The following CIP2A variants were observed in gnomAD, a reference collection of about 807,000 sequenced individuals.
CIP2A encodes cellular inhibitor of PP2A.
A neutral mutation model predicts 110.9 loss-of-function variants in CIP2A; 103 were observed. The observed-to-expected ratio is 0.93, with a 90% CI of 0.79 to 1.09. The LOEUF is 1.09. Among genes scored for constraint, CIP2A ranks in the 50% least tolerant of loss-of-function variants. The probability of loss-of-function intolerance (pLI) is 0.00; values close to 1 mark genes in which losing one functional copy is unlikely to be tolerated. For synonymous variants in CIP2A, 381 were observed against 361.6 expected (o/e 1.05, Z -0.61); for missense variants, 1,088 against 1,038.4 (o/e 1.05, Z -0.66).
In CIP2A at chr3:108,585,921, CA is replaced by C. The variant is rs1450408518; in HGVS notation, c.103-710del. 1.1e-4 allele frequency among the ~76,000 whole-genome samples: 17 copies of C among 151,880 alleles called. No individual in the cohort carries two copies. The East Asian group carries it at 2.1e-3, about 19-fold the overall frequency. On this transcript the variant is annotated intron_variant, in intron 1 of 20. Transcript: ENST00000295746. ...ACACATACATACACACACACACACA[CA>C]GAGTGAAAGAGAGAAGAGAGGAGGT...
chr3:108,571,853 T>C (rs1938411129), intron 8 of CIP2A, among the ~76,000 whole-genome samples: 1 of 152,186 alleles, frequency 6.6e-6, no homozygotes, highest in Non-Finnish European at 1.5e-5. Context: ...GGTTGTTCTG[T>C]AAGTACTAAA....
chr3:108,565,272 A>G, intron 12 of CIP2A, 83 bp downstream of exon 12: 1 of 694,800 alleles, frequency 1.4e-6, no homozygotes, highest in South Asian at 1.9e-5. Flanking sequence ...TATCTTCTAA[A>G]GATTAAGAAT....
At chr3:108,575,381 TATGC>T (rs774055884) in intron 8 of CIP2A, among the ~76,000 whole-genome samples, 14 of 150,446 alleles carry the variant, frequency 9.3e-5, no homozygotes, top group South Asian at 8.3e-4. Flanking sequence ...CATATACATG[TATGC>T]GTGTATATAT....
At position 108,551,307 on chromosome 3, in the gene CIP2A, C is replaced by T; in HGVS notation, c.2560G>A (p.Glu854Lys). 6.2e-7 allele frequency: 1 copy of T among 1,607,506 alleles called. No individual in the cohort carries two copies. The highest frequency in any genetic ancestry group is 2.2e-5 in the East Asian group (1 of 44,638). The change falls in exon 21 of 21, where the codon GAG (glutamate) becomes AAG (lysine). Residue 854 changes from glutamate to lysine, a missense_variant. Physicochemically the swap from Glu to Lys is moderately conservative, Grantham distance 56 (BLOSUM62 1). Transcript: ENST00000295746. ...KELSIKASSL[E>K]VQKAQLEGRL... ...CCTTCTAATTGTGCCTTTTGAACCT[C>T]TAGGGAGGAAGCCTAAGGAATTGGG...
chr3:108,588,759 G>A (rs1486631366), intron 1 of CIP2A, among the ~76,000 whole-genome samples: 2 of 152,164 alleles, frequency 1.3e-5, no homozygotes, highest in African/African-American at 4.8e-5. Flanking sequence ...ATGTATTTTG[G>A]TAAAGAAAAA....
At chr3:108,553,027 G>T (rs1250634083) in intron 19 of CIP2A, among the ~76,000 whole-genome samples, 1 of 150,682 alleles carries the variant, frequency 6.6e-6, no homozygotes, top group Non-Finnish European at 1.5e-5. Flanking sequence ...AATATACCCA[G>T]TGTAACAGAC....
intron 1 of CIP2A, chr3:108,585,596 T>C (rs1939018255): frequency 2.3e-6 from 1 of 427,708 alleles, no homozygotes; most frequent in African/African-American, 2.0e-5. Flanking sequence ...GATGAAGGCA[T>C]AGCCTACAAA....
chr3:108,559,106 T>A (rs1193735453), intron 16 of CIP2A, among the ~76,000 whole-genome samples: 2 of 152,052 alleles, frequency 1.3e-5, no homozygotes, highest in Non-Finnish European at 2.9e-5. Context: ...GACTAATTGC[T>A]CTGCTATGAT....
intron 2 of CIP2A, 74 bp downstream of exon 2, chr3:108,584,991 A>G (rs1168842309): frequency 2.2e-6 from 3 of 1,359,804 alleles, no homozygotes; most frequent in African/African-American, 2.9e-5. Context: ...AAGAGATTCT[A>G]TAACTAAGCC....
chr3:108,569,144 T>G lies in CIP2A; in HGVS notation c.1113+245A>C, dbSNP rs552297783. ...AATTATATAAATCTTTTTAATATCT[T>G]TACTTATTACACTGAAATGAGCACT... On this transcript the variant is annotated intron_variant, in intron 9 of 20. Coordinates refer to ENST00000295746, the MANE Select transcript of CIP2A (RefSeq NM_020890.3). Among the ~76,000 whole-genome samples, 5 of 23,406 alleles carry G rather than the reference T, an allele frequency of 2.1e-4. 1 individual carries two copies. Among genetic ancestry groups the G allele is most frequent in the African/African-American group, 5.4e-4 (5 of 9,318 alleles). 15.4% of individuals were successfully genotyped at this position (23,406 alleles called of 152,430 possible). A position where few individuals can be genotyped will look rare whatever the true frequency, so the allele number is the denominator to read the frequency against.
At chr3:108,566,718 A>C (rs1430838580) in intron 10 of CIP2A, 80 bp from the exon 11 acceptor site, 1 of 858,314 alleles carries the variant, frequency 1.2e-6, no homozygotes, top group Non-Finnish European at 1.7e-6. Flanking sequence ...TTTCATACAA[A>C]TTATATCATC....
intron 13 of CIP2A, among the ~76,000 whole-genome samples, chr3:108,562,781 CTTAAACAG>C (rs1938050705): frequency 6.6e-6 from 1 of 151,988 alleles, no homozygotes. Flanking sequence ...AGACCTTTTC[CTTAAACAG>C]TCAGGAAGGA....
At chr3:108,589,124 C>T (rs866710446) in intron 1 of CIP2A, 150 bp downstream of exon 1, 4 of 562,058 alleles carry the variant, frequency 7.1e-6, no homozygotes. Context: ...AACCCCGACA[C>T]TCACTAGCCT....
chr3:108,575,635 TATATACTC>T (rs1223378010), intron 8 of CIP2A, among the ~76,000 whole-genome samples: 1 of 135,538 alleles, frequency 7.4e-6, no homozygotes, highest in African/African-American at 3.0e-5. Flanking sequence ...TATACGTGTA[TATATACTC>T]ATATACATGT....
chr3:108,569,740 C>G, intron 8 of CIP2A, 133 bp from the exon 9 acceptor site: 1 of 680,160 alleles, frequency 1.5e-6, no homozygotes, highest in South Asian at 2.0e-5. Flanking sequence ...TTTTTTCTTT[C>G]AATATTATTT....
chr3:108,565,386 C>CCA lies in CIP2A; in HGVS notation c.1482_1483dup (p.Gly495ValfsTer5). ...TATTTTGTAGAAGCTTACTTCCATACCAGGAACCAATGGTTTAAGTTTGTT... is the reference window on the plus strand; with the variant it reads ...TATTTTGTAGAAGCTTACTTCCATACCACAGGAACCAATGGTTTAAGTTTGTT... On this transcript the variant is annotated frameshift_variant, in exon 12 of 21. Transcript: ENST00000295746. LOFTEE classifies it high-confidence loss of function. The CCA allele has an allele frequency of 6.3e-7, 1 of 1,597,124 alleles. No individual in the cohort carries two copies. The highest frequency in any genetic ancestry group is 1.1e-5 in the South Asian group (1 of 88,000).
intron 18 of CIP2A, among the ~76,000 whole-genome samples, chr3:108,553,984 C>T (rs1371366427): frequency 1.3e-5 from 2 of 151,226 alleles, no homozygotes; most frequent in Non-Finnish European, 2.9e-5. Flanking sequence ...CAACCTCTGC[C>T]TCCCGGGCTC....
In CIP2A at chr3:108,577,718, G is replaced by A. The variant is rs188464425; in HGVS notation, c.819-1372C>T. On this transcript the variant is annotated intron_variant, in intron 7 of 20. Transcript: ENST00000295746. ...GTTCAAGACCAGCCTGGCCAACACG[G>A]TGAAACCCGTTTTCTACTAAAAATA... Among the ~76,000 whole-genome samples, 4 of 152,170 alleles carry A rather than the reference G, an allele frequency of 2.6e-5. No homozygotes were observed. In the East Asian group the frequency reaches 7.7e-4, roughly 29 times the overall value.
chr3:108,572,246 G>GT (rs1401103582), intron 8 of CIP2A, among the ~76,000 whole-genome samples: 1 of 151,886 alleles, frequency 6.6e-6, no homozygotes, highest in Non-Finnish European at 1.5e-5. Context: ...TTTGTTTCCT[G>GT]TTTAAGAAAA....
Sources: gnomAD v4.1 joint callset for allele counts (sites outside exome capture counted in the v4.1 genomes callset) on GRCh38, gnomAD v4.1.1 for gene constraint, MANE v1.5 for transcripts, NCBI Gene and HGNC (gene_info 2026-07-23, HGNC 2026-07-21) for gene names.